Variants in SEL1L3 observed in about 807,000 individuals in gnomAD.
The protein encoded by SEL1L3 is SEL1L family member 3.
SEL1L3 carries 76 observed loss-of-function variants against 142.8 expected under a neutral mutation model. That is an observed-to-expected ratio of 0.53 (90% CI 0.44 to 0.64). The LOEUF (loss-of-function observed/expected upper bound fraction) is 0.64. Ranked by LOEUF, SEL1L3 falls within the 30% of genes least tolerant of loss-of-function variation. The pLI, the probability that SEL1L3 is intolerant of heterozygous loss-of-function variation, is 0.00. For missense variants in SEL1L3, 1,262 were observed against 1,381.7 expected (o/e 0.91, Z 1.37); for synonymous variants, 504 against 519.6 (o/e 0.97, Z 0.41).
chr4:25,851,369 A>G (rs547000327), intron 1 of SEL1L3, among the ~76,000 whole-genome samples: 2 of 152,294 alleles, frequency 1.3e-5, no homozygotes, highest in East Asian at 3.9e-4. Context: ...AAACAGACTC[A>G]GAAATACCAT....
intron 23 of SEL1L3, among the ~76,000 whole-genome samples, chr4:25,753,364 T>A (rs1717725781): frequency 1.3e-5 from 2 of 152,172 alleles, no homozygotes; most frequent in African/African-American, 4.8e-5. Flanking sequence ...ATAGCAACAA[T>A]CCTCACCCAA....
intron 17 of SEL1L3, 113 bp downstream of exon 17, chr4:25,776,164 A>T (rs1390187207): frequency 4.7e-6 from 3 of 644,346 alleles, no homozygotes; most frequent in Non-Finnish European, 8.4e-6. Context: ...CATTACTGGG[A>T]GCTGTGATTT....
Position 25,814,436 on chromosome 4 carries a change from C to T in SEL1L3, c.1564+3702G>A, listed in dbSNP as rs544768000. Reference sequence around the variant, plus strand: ...TATTCAGTGCCTACAATAAGAATTCCAAGCATCAAACATCTCATGCTTGAA... The same window carrying T: ...TATTCAGTGCCTACAATAAGAATTCTAAGCATCAAACATCTCATGCTTGAA... On this transcript the variant is annotated intron_variant, in intron 9 of 23. Transcript: ENST00000399878. Among the ~76,000 whole-genome samples the T allele has an allele frequency of 3.3e-5, 5 of 152,256 alleles. No individual in the cohort carries two copies. In the East Asian group the frequency reaches 7.7e-4, roughly 24 times the overall value.
At chr4:25,814,452 C>T (rs1470889149) in intron 9 of SEL1L3, among the ~76,000 whole-genome samples, 1 of 152,216 alleles carries the variant, frequency 6.6e-6, no homozygotes, top group Non-Finnish European at 1.5e-5. Context: ...TCAAACATCT[C>T]ATGCTTGAAT....
At chr4:25,718,493 G>A in the SEL1L3 span, 4 of 152,156 alleles carry the variant, frequency 2.6e-5, no homozygotes, top group Non-Finnish European at 4.4e-5. Flanking sequence ...GTGAATGCGC[G>A]AGCAATTATA....
At chr4:25,807,758 T>C (rs1353174452) in intron 9 of SEL1L3, among the ~76,000 whole-genome samples, 2 of 151,944 alleles carry the variant, frequency 1.3e-5, no homozygotes, top group East Asian at 3.9e-4. Flanking sequence ...CAGAAATCAT[T>C]AGCAGGAGCG....
At chr4:25,790,396 G>C in intron 12 of SEL1L3, 59 bp downstream of exon 12, 1 of 1,548,288 alleles carries the variant, frequency 6.5e-7, no homozygotes, top group Non-Finnish European at 8.9e-7. Flanking sequence ...TCATTACCAC[G>C]GTATAACCCA....
chr4:25,733,300 A>C, the SEL1L3 span, among the ~76,000 whole-genome samples: 2 of 152,038 alleles, frequency 1.3e-5, no homozygotes, highest in Non-Finnish European at 2.9e-5. Context: ...AATTTTTCTC[A>C]GTAATACTCT....
intron 17 of SEL1L3, among the ~76,000 whole-genome samples, chr4:25,774,803 C>A (rs1719493276): frequency 6.6e-6 from 1 of 152,182 alleles, no homozygotes; most frequent in African/African-American, 2.4e-5. Context: ...CAAGATCGTG[C>A]CACTGCACCC....
At chr4:25,860,017 G>A (rs1285391925) in intron 1 of SEL1L3, among the ~76,000 whole-genome samples, 1 of 152,172 alleles carries the variant, frequency 6.6e-6, no homozygotes, top group Admixed American at 6.5e-5. Context: ...AGCTAGTGTG[G>A]TTTAGAGCTG....
chr4:25,741,346 C>G, the SEL1L3 span, among the ~76,000 whole-genome samples: 1 of 151,900 alleles, frequency 6.6e-6, no homozygotes. Flanking sequence ...AGTAATCCGC[C>G]CGCCTCAGCC....
At chr4:25,842,792 C>G (rs1419895854) in intron 2 of SEL1L3, among the ~76,000 whole-genome samples, 1 of 152,248 alleles carries the variant, frequency 6.6e-6, no homozygotes, top group Non-Finnish European at 1.5e-5. Context: ...GTCCCCTGGC[C>G]TCATGGAGCT....
the SEL1L3 span, among the ~76,000 whole-genome samples, chr4:25,730,485 C>T: frequency 1.3e-5 from 2 of 152,040 alleles, no homozygotes; most frequent in Admixed American, 6.6e-5. Flanking sequence ...AAAATGCCAT[C>T]TCTCTCAGAA....
intron 11 of SEL1L3, among the ~76,000 whole-genome samples, chr4:25,797,500 T>A (rs1712866041): frequency 6.6e-6 from 1 of 152,100 alleles, no homozygotes; most frequent in Admixed American, 6.5e-5. Context: ...AGGGGAAACA[T>A]CAGCTGTAAG....
chr4:25,717,563 G>A, the SEL1L3 span, among the ~76,000 whole-genome samples: 5,351 of 152,274 alleles, frequency 0.035, 292 homozygotes, highest in African/African-American at 0.12. Context: ...CTACTTGGGA[G>A]GCTGAGGCAG....
intron 11 of SEL1L3, among the ~76,000 whole-genome samples, chr4:25,799,414 A>G (rs1713024854): frequency 6.6e-6 from 1 of 152,180 alleles, no homozygotes; most frequent in Non-Finnish European, 1.5e-5. Flanking sequence ...CTACTGGATT[A>G]GAGGTCTACC....
At chr4:25,729,515 G>A in the SEL1L3 span, among the ~76,000 whole-genome samples, 25,304 of 151,982 alleles carry the variant, frequency 0.17, 2,961 homozygotes, top group African/African-American at 0.34. Flanking sequence ...GGAGTTCGAG[G>A]CCAGCCTGGA....
chr4:25,769,416 G>C (rs2109142849), intron 17 of SEL1L3, among the ~76,000 whole-genome samples: 1 of 152,298 alleles, frequency 6.6e-6, no homozygotes, highest in South Asian at 2.1e-4. Context: ...TCAGGCTAAA[G>C]AGGGACAAAG....
Position 25,748,217 on chromosome 4 carries a change from A to C in SEL1L3, c.*208T>G. ...GCCCTATGATCAAGATGTTCCTTGT[A>C]TGTGTTTGATGACCTTTGGTATTAC... On this transcript the variant is annotated 3_prime_UTR_variant, in exon 24 of 24. Coordinates refer to ENST00000399878, the MANE Select transcript of SEL1L3 (RefSeq NM_015187.5). 1 of 554,602 alleles carries C rather than the reference A, an allele frequency of 1.8e-6. No homozygotes were observed. Among genetic ancestry groups the C allele is most frequent in the African/African-American group, 1.9e-5 (1 of 53,028 alleles). 34.4% of individuals were successfully genotyped at this position (554,602 alleles called of 1,614,324 possible). A position where few individuals can be genotyped will look rare whatever the true frequency, so the allele number is the denominator to read the frequency against.
Sources: gnomAD v4.1 joint callset for allele counts (sites outside exome capture counted in the v4.1 genomes callset) on GRCh38, gnomAD v4.1.1 for gene constraint, MANE v1.5 for transcripts, NCBI Gene and HGNC (gene_info 2026-07-23, HGNC 2026-07-21) for gene names.